The following ZNF12 variants were observed in gnomAD, a reference collection of about 807,000 sequenced individuals.
The protein encoded by ZNF12 is gonadotropin inducible transcription repressor 3.
Under a neutral mutation model 66.6 loss-of-function variants are expected in ZNF12, and 34 were observed. The ratio of observed to expected loss-of-function variants is 0.51; its 90% CI spans 0.39 to 0.68. ZNF12 has a LOEUF of 0.68. Among genes scored for constraint, ZNF12 ranks in the 30% least tolerant of loss-of-function variants. The pLI, the probability that ZNF12 is intolerant of heterozygous loss-of-function variation, is 0.00. For missense variants in ZNF12, 697 were observed against 826.9 expected (o/e 0.84, Z 1.93); for synonymous variants, 320 against 278.9 (o/e 1.15, Z -1.47).
chr7:6,705,052 C>A lies in ZNF12; in HGVS notation c.15+107G>T. 2 of 1,349,762 alleles carry A rather than the reference C, an allele frequency of 1.5e-6. No individual in the cohort carries two copies. The highest frequency in any genetic ancestry group is 2.0e-6 in the Non-Finnish European group (2 of 993,952). 83.6% of individuals were successfully genotyped at this position (1,349,762 alleles called of 1,614,324 possible). A position where few individuals can be genotyped will look rare whatever the true frequency, so the allele number is the denominator to read the frequency against. Reference sequence around the variant, plus strand: ...TGGCTACTGTTCTGTCTGACCAAATCTTGTATCTATTTCTACTTTCCCATT... The same window carrying A: ...TGGCTACTGTTCTGTCTGACCAAATATTGTATCTATTTCTACTTTCCCATT... On this transcript the variant is annotated intron_variant, in intron 2 of 4. Coordinates refer to ENST00000405858, the MANE Select transcript of ZNF12 (RefSeq NM_016265.4). This position sits in a 1 kb window ranked among gnomAD's most constrained non-coding sequence, Gnocchi z 4.0.
At position 6,692,473 on chromosome 7, in the gene ZNF12, C is replaced by T; in HGVS notation, c.469G>A (p.Asp157Asn). 1 of 1,612,862 alleles carries T rather than the reference C, an allele frequency of 6.2e-7. No individual in the cohort carries two copies. Among genetic ancestry groups the T allele is most frequent in the Non-Finnish European group, 8.5e-7 (1 of 1,179,324 alleles). ...GCTTTCATTCTTGCATAGCTTCCAT[C>T]ACTACTAATATATTCTGAAACAGAC... ...LTSVSEYISSDGSYARMKADE... is the reference protein window; with the variant it reads ...LTSVSEYISSNGSYARMKADE... Residue 157 changes from aspartate to asparagine, a missense_variant, in exon 5 of 5, where the codon GAT becomes AAT. Physicochemically the swap from Asp to Asn is conservative, Grantham distance 23 (BLOSUM62 1). Transcript: ENST00000405858. This position sits in a 1 kb window ranked among gnomAD's most constrained non-coding sequence, Gnocchi z 5.1.
At position 6,692,980 on chromosome 7, in the gene ZNF12, G is replaced by A. The variant is rs1355683070; in HGVS notation, c.239-277C>T. Among the ~76,000 whole-genome samples, 1 of 152,026 alleles carries A rather than the reference G, an allele frequency of 6.6e-6. No homozygotes were observed. The highest frequency in any genetic ancestry group is 1.5e-5 in the Non-Finnish European group (1 of 67,998). ...GCACTTTTGATCTACTTTATATTTT[G>A]TTCAAAACTGGGAATAGAAGATAAA... is the stretch of plus-strand genomic sequence containing the variant. On this transcript the variant is annotated intron_variant, in intron 4 of 4. Coordinates refer to ENST00000405858, the MANE Select transcript of ZNF12 (RefSeq NM_016265.4). The surrounding 1 kb of genome is among the most constrained non-coding windows in gnomAD (Gnocchi z 5.1).
rs1047689762 is a variant in ZNF12, at chr7:6,698,539, A to C, written c.16-728T>G. On this transcript the variant is annotated intron_variant, in intron 2 of 4. Coordinates refer to ENST00000405858, the MANE Select transcript of ZNF12 (RefSeq NM_016265.4). The surrounding 1 kb of genome is among the most constrained non-coding windows in gnomAD (Gnocchi z 4.4). ...GAACCAACCCACAATATTTGACACA[A>C]TTACCAAAATAACAAACAGGCTGGG... 6.6e-6 allele frequency among the ~76,000 whole-genome samples: 1 copy of C among 152,206 alleles called. No homozygotes were observed. The highest frequency in any genetic ancestry group is 1.5e-5 in the Non-Finnish European group (1 of 68,020).
rs6945312 is a variant in ZNF12, at chr7:6,696,064, T to G, written c.238+1275A>C. Among the ~76,000 whole-genome samples the G allele has an allele frequency of 0.098, 14,871 of 152,234 alleles. 1,421 individuals are homozygous for G. Among genetic ancestry groups the G allele is most frequent in the African/African-American group, 0.25 (10,480 of 41,488 alleles). ...TTAAAATTCCCTTTAGGAAGTAAAA[T>G]GTAACCAACTATAGGCTTATCTTGT... On this transcript the variant is annotated intron_variant, in intron 4 of 4. Transcript: ENST00000405858. The surrounding 1 kb of genome is among the most constrained non-coding windows in gnomAD (Gnocchi z 4.0).
Position 6,690,866 on chromosome 7 carries a change from A to G in ZNF12, c.2076T>C (p.Asp692=). 3.1e-6 allele frequency: 5 copies of G among 1,611,834 alleles called. No homozygotes were observed. Among genetic ancestry groups the G allele is most frequent in the Non-Finnish European group, 4.2e-6 (5 of 1,178,738 alleles). Residue 692 remains aspartate, a synonymous_variant, in exon 5 of 5, where the codon GAT becomes GAC. Coordinates refer to ENST00000405858, the MANE Select transcript of ZNF12 (RefSeq NM_016265.4). ...IHRRGNMNVI[D]VGRLL ...TCTGACTTCAGAGAAGCCTTCCCACATCTATTACATTCATATTGCCTCTCC... is the reference window on the plus strand; with the variant it reads ...TCTGACTTCAGAGAAGCCTTCCCACGTCTATTACATTCATATTGCCTCTCC...
chr7:6,697,340 T>C lies in ZNF12; in HGVS notation c.237A>G (p.Pro79=). 6.2e-7 allele frequency: 1 copy of C among 1,604,950 alleles called. No individual in the cohort carries two copies. The highest frequency in any genetic ancestry group is 8.5e-7 in the Non-Finnish European group (1 of 1,175,442). Residue 79 remains proline (P), a splice_region_variant and synonymous_variant, in exon 4 of 5, where the codon CCA becomes CCG. Coordinates refer to ENST00000405858, the MANE Select transcript of ZNF12 (RefSeq NM_016265.4). This position sits in a 1 kb window ranked among gnomAD's most constrained non-coding sequence, Gnocchi z 6.1. ...TCCTCACTGCCTCCACTAACACACC[T>C]GGATAGCTCTGAAGTAGGAATTCTC... ...VEGEFLLQSY[P]DEVWQTDDLI...
rs1415971151 is a variant in ZNF12 at position 6,692,228 on chromosome 7, T to C, written c.714A>G (p.Glu238=). The C allele has an allele frequency of 2.5e-6, 4 of 1,613,992 alleles. No homozygotes were observed. The South Asian group carries it at 4.4e-5, about 18-fold the overall frequency. Residue 238 remains glutamate, a synonymous_variant, in exon 5 of 5, where the codon GAA becomes GAG. Coordinates refer to ENST00000405858, the MANE Select transcript of ZNF12 (RefSeq NM_016265.4). This position sits in a 1 kb window ranked among gnomAD's most constrained non-coding sequence, Gnocchi z 5.1. Reference sequence around the variant, plus strand: ...CAGATCCATTCCACTTATAGGGCTTTTCTTCCATGTGATTAACAAAAACAG... The same window carrying C: ...CAGATCCATTCCACTTATAGGGCTTCTCTTCCATGTGATTAACAAAAACAG... ...KDTVFVNHME[E]KPYKWNGSEI...
At chr7:6,704,059 G>C (rs1290110282) in intron 2 of ZNF12, 2 of 152,198 alleles carry the variant, frequency 1.3e-5, no homozygotes, top group African/African-American at 4.8e-5. Context: ...TGGCATGGTG[G>C]CTCACACCTA....
chr7:6,706,476 CG>C lies in ZNF12; in HGVS notation c.-96del. 1 of 476,100 alleles carries C rather than the reference CG, an allele frequency of 2.1e-6. No individual in the cohort carries two copies. The highest frequency in any genetic ancestry group is 2.2e-5 in the Admixed American group (1 of 44,896). The allele number at this position is 476,100 out of a possible 1,614,324, so 29.5% of individuals were successfully genotyped here. ...CTCTGCCCCACCGCTCCCGACAGGC[CG>C]GGGCGGGATTGCTGTCGCGGGCGCG... On this transcript the variant is annotated 5_prime_UTR_variant, in exon 1 of 5. Transcript: ENST00000405858.
Position 6,706,893 on chromosome 7 carries a change from A to C in ZNF12, c.-512T>G, listed in dbSNP as rs1780369194. ...GCGATTCTCGCCCACCGGAGGCCAA[A>C]GCCTGGGAACTAGGGCGAGCGGTGA... On this transcript the variant is annotated 5_prime_UTR_variant, in exon 1 of 5. Transcript: ENST00000405858. 2.5e-6 allele frequency: 1 copy of C among 408,018 alleles called. No individual in the cohort carries two copies. 25.3% of individuals were successfully genotyped at this position (408,018 alleles called of 1,614,324 possible). A position where few individuals can be genotyped will look rare whatever the true frequency, so the allele number is the denominator to read the frequency against.
chr7:6,705,902 T>C lies in ZNF12; in HGVS notation c.-51+530A>G, dbSNP rs979983128. ...TCAGTGTGCTACTCAAAAGGATCTT[T>C]TATTGAAGAACTTACGCTCACTTAA... On this transcript the variant is annotated intron_variant, in intron 1 of 4. Transcript: ENST00000405858. The surrounding 1 kb of genome is among the most constrained non-coding windows in gnomAD (Gnocchi z 4.0). 4.6e-5 allele frequency among the ~76,000 whole-genome samples: 7 copies of C among 152,170 alleles called. No homozygotes were observed. The highest frequency in any genetic ancestry group is 1.4e-4 in the African/African-American group (6 of 41,434).
rs942450492 is a variant in ZNF12 at position 6,705,965 on chromosome 7, A to G, written c.-51+467T>C. Among the ~76,000 whole-genome samples, 3 of 152,112 alleles carry G rather than the reference A, an allele frequency of 2.0e-5. No homozygotes were observed. The highest frequency in any genetic ancestry group is 4.4e-5 in the Non-Finnish European group (3 of 68,018). ...GGACAGAACACTGGCCTGGGAGATA[A>G]AACTCCAGAGTTCTACTATGAGCAA... On this transcript the variant is annotated intron_variant, in intron 1 of 4. Coordinates refer to ENST00000405858, the MANE Select transcript of ZNF12 (RefSeq NM_016265.4). The surrounding 1 kb of genome is among the most constrained non-coding windows in gnomAD (Gnocchi z 4.0).
In ZNF12 at chr7:6,692,865, G is replaced by T. The variant is rs537222691; in HGVS notation, c.239-162C>A. Among the ~76,000 whole-genome samples, 1 of 151,222 alleles carries T rather than the reference G, an allele frequency of 6.6e-6. No homozygotes were observed. Among genetic ancestry groups the T allele is most frequent in the African/African-American group, 2.4e-5 (1 of 40,920 alleles). On this transcript the variant is annotated intron_variant, in intron 4 of 4. Coordinates refer to ENST00000405858, the MANE Select transcript of ZNF12 (RefSeq NM_016265.4). This position sits in a 1 kb window ranked among gnomAD's most constrained non-coding sequence, Gnocchi z 5.1. ...GTGTACTCTTCTCCTTTATGCTTTT[G>T]CTTAAAATTACACACACACAAACAC...
intron 2 of ZNF12, among the ~76,000 whole-genome samples, chr7:6,704,848 A>C (rs1031438150): frequency 6.6e-6 from 1 of 152,040 alleles, no homozygotes; most frequent in Admixed American, 6.6e-5. Context: ...GAATCTTTAA[A>C]ATTCATGCAA....
rs533864767 is a variant in ZNF12 at position 6,696,683 on chromosome 7, A to T, written c.238+656T>A. Among the ~76,000 whole-genome samples the T allele has an allele frequency of 2.6e-5, 4 of 152,346 alleles. No individual in the cohort carries two copies. The highest frequency in any genetic ancestry group is 4.1e-4 in the South Asian group (2 of 4,830). On this transcript the variant is annotated intron_variant, in intron 4 of 4. Transcript: ENST00000405858. This position sits in a 1 kb window ranked among gnomAD's most constrained non-coding sequence, Gnocchi z 4.0. ...TGATACTTACTAAGCACCTGCCATG[A>T]CAGGGTATCATTCAAGGCATTGGGA... is the stretch of plus-strand genomic sequence containing the variant.
chr7:6,703,785 CA>C (rs1342741377), intron 2 of ZNF12, among the ~76,000 whole-genome samples: 1 of 152,196 alleles, frequency 6.6e-6, no homozygotes, highest in African/African-American at 2.4e-5. Context: ...AAGAAATCAT[CA>C]ATTTCAGGAA....
Position 6,688,829 on chromosome 7 carries a change from A to G in ZNF12, c.*2019T>C, listed in dbSNP as rs907531386. ...TGTAGCAGTGGTATATGAATCACATAAATTACCTCCAACAAAATGTATTCC... is the reference window on the plus strand; with the variant it reads ...TGTAGCAGTGGTATATGAATCACATGAATTACCTCCAACAAAATGTATTCC... On this transcript the variant is annotated 3_prime_UTR_variant, in exon 5 of 5. Coordinates refer to ENST00000405858, the MANE Select transcript of ZNF12 (RefSeq NM_016265.4). This position sits in a 1 kb window ranked among gnomAD's most constrained non-coding sequence, Gnocchi z 4.3. The G allele has an allele frequency of 2.6e-5, 4 of 152,642 alleles. No individual in the cohort carries two copies. The highest frequency in any genetic ancestry group is 9.6e-5 in the African/African-American group (4 of 41,468). The allele number at this position is 152,642 out of a possible 1,614,324, so 9.5% of individuals were successfully genotyped here.
intron 2 of ZNF12, among the ~76,000 whole-genome samples, chr7:6,702,400 C>CAT: frequency 1.1e-3 from 1 of 918 alleles, no homozygotes; most frequent in East Asian, 0.021. Flanking sequence ...ACACACACAA[C>CAT]CAGATTCGTC....
At chr7:6,702,385 C>G (rs1401986597) in intron 2 of ZNF12, among the ~76,000 whole-genome samples, 2 of 149,460 alleles carry the variant, frequency 1.3e-5, no homozygotes, top group African/African-American at 4.9e-5. Context: ...CCAAACTCCA[C>G]ACACACACAC....
Sources: gnomAD v4.1 joint callset for allele counts (sites outside exome capture counted in the v4.1 genomes callset) on GRCh38, gnomAD v4.1.1 for gene constraint, Gnocchi (gnomAD v3.1) non-coding constraint, MANE v1.5 for transcripts, NCBI Gene and HGNC (gene_info 2026-07-23, HGNC 2026-07-21) for gene names.